GCNT2: variants seen among roughly 807,000 people sequenced by gnomAD.
GCNT2 encodes the protein N-acetyllactosaminide beta-1,6-N-acetylglucosaminyl-transferase.
GCNT2 carries 34 observed loss-of-function variants against 34.2 expected under a neutral mutation model. The observed-to-expected ratio is 1.00, with a 90% CI of 0.76 to 1.32. GCNT2 has a LOEUF of 1.32. GCNT2 is among the 40% of genes most tolerant of loss of function. The pLI, the probability that GCNT2 is intolerant of heterozygous loss-of-function variation, is 0.00. For synonymous variants in GCNT2, 212 were observed against 188.0 expected (o/e 1.13, Z -1.04); for missense variants, 584 against 489.4 (o/e 1.19, Z -1.82).
intron 3 of GCNT2, among the ~76,000 whole-genome samples, chr6:10,611,755 A>G (rs1030902380): frequency 3.3e-5 from 5 of 152,224 alleles, no homozygotes; most frequent in African/African-American, 1.2e-4. Flanking sequence ...AGTTAATTGA[A>G]TTATTAGAAT....
chr6:10,561,726 A>G (rs1346044085), intron 3 of GCNT2, among the ~76,000 whole-genome samples: 2 of 151,446 alleles, frequency 1.3e-5, no homozygotes, highest in African/African-American at 4.9e-5. Flanking sequence ...TTGCTCATTC[A>G]TTACTCTGAC....
At chr6:10,594,397 G>A (rs187313500) in intron 3 of GCNT2, among the ~76,000 whole-genome samples, 1 of 152,252 alleles carries the variant, frequency 6.6e-6, no homozygotes, top group Admixed American at 6.5e-5. Flanking sequence ...CATGAAAGTG[G>A]TATGCAAATA....
rs372157202 is a variant in GCNT2, at chr6:10,597,413, C to G, written c.926-23938C>G. The stretch of plus-strand genomic sequence containing the variant: ...CAAGCAATCTGCTTGCCTCAGCCCC[C>G]CAGAGTGCTGGGATTATAGGTACTA... On this transcript the variant is annotated intron_variant, in intron 3 of 4. Coordinates refer to ENST00000495262, the MANE Select transcript of GCNT2 (RefSeq NM_145649.5). Among the ~76,000 whole-genome samples the G allele has an allele frequency of 6.6e-5, 10 of 152,090 alleles. No individual in the cohort carries two copies. The East Asian group carries it at 1.7e-3, about 27-fold the overall frequency.
At chr6:10,526,769 G>GAC (rs1761212756) in intron 1 of GCNT2, among the ~76,000 whole-genome samples, 1 of 152,132 alleles carries the variant, frequency 6.6e-6, no homozygotes, top group African/African-American at 2.4e-5. Flanking sequence ...GAAAGTACAG[G>GAC]ACGTGGAAAC....
At chr6:10,624,008 C>T (rs1450642386) in intron 4 of GCNT2, among the ~76,000 whole-genome samples, 5 of 152,158 alleles carry the variant, frequency 3.3e-5, no homozygotes, top group African/African-American at 4.8e-5. Flanking sequence ...CCTTTTTTGC[C>T]GTTTGTACTT....
At chr6:10,570,284 G>A (rs1386547568) in intron 3 of GCNT2, among the ~76,000 whole-genome samples, 2 of 152,190 alleles carry the variant, frequency 1.3e-5, no homozygotes, top group East Asian at 3.8e-4. Context: ...AGTGGCAGAA[G>A]GCTTTCCCCA....
chr6:10,572,216 G>A (rs1020860458), intron 3 of GCNT2, among the ~76,000 whole-genome samples: 4 of 151,944 alleles, frequency 2.6e-5, no homozygotes, highest in Admixed American at 1.3e-4. Context: ...TTTATGTTCC[G>A]CAGAACTGCA....
rs1491437125 is a variant in GCNT2 at position 10,569,275 on chromosome 6, C to CA, written c.925+39439_925+39440insA. On this transcript the variant is annotated intron_variant, in intron 3 of 4. Transcript: ENST00000495262. Reference sequence around the variant, plus strand: ...CACACACACACACACACACACACACCCCCTAGGTAATTTTGCCAAATCCTG... The same window carrying CA: ...CACACACACACACACACACACACACCACCCTAGGTAATTTTGCCAAATCCTG... 9.3e-3 allele frequency among the ~76,000 whole-genome samples: 941 copies of CA among 101,326 alleles called. 51 individuals are homozygous for CA. Among genetic ancestry groups the CA allele is most frequent in the African/African-American group, 0.015 (397 of 26,180 alleles). 66.5% of individuals were successfully genotyped at this position (101,326 alleles called of 152,430 possible).
At chr6:10,579,608 G>A (rs561304591) in intron 3 of GCNT2, among the ~76,000 whole-genome samples, 2 of 152,086 alleles carry the variant, frequency 1.3e-5, no homozygotes, top group African/African-American at 2.4e-5. Context: ...TTGAGGTCAG[G>A]AGCTTGAGAC....
At chr6:10,595,002 T>C (rs768382511) in intron 3 of GCNT2, among the ~76,000 whole-genome samples, 61 of 151,924 alleles carry the variant, frequency 4.0e-4, no homozygotes, top group Non-Finnish European at 7.4e-4. Context: ...TGCCTCACCA[T>C]GCCCTGCTAA....
In GCNT2 at chr6:10,528,988, C is replaced by T. The variant is rs749150737; in HGVS notation, c.77C>T (p.Thr26Ile). The T allele has an allele frequency of 6.2e-7, 1 of 1,613,806 alleles. No homozygotes were observed. Among genetic ancestry groups the T allele is most frequent in the South Asian group, 1.1e-5 (1 of 91,074 alleles). Residue 26 changes from threonine (T) to isoleucine (I), a missense_variant, in exon 3 of 5, where the codon ACT (threonine) becomes ATT (isoleucine). Thr to Ile is a moderately conservative substitution (Grantham distance 89). Transcript: ENST00000495262. ...CTGATTTTTGTATTTGTTTACAATA[C>T]TGAGTTATGGGAGAATAAACGTTTT... ...SALIFVFVYN[T>I]ELWENKRFLR...
chr6:10,533,926 G>C (rs1761631150), intron 3 of GCNT2, among the ~76,000 whole-genome samples: 1 of 151,536 alleles, frequency 6.6e-6, no homozygotes, highest in South Asian at 2.1e-4. Context: ...CTCATTGCTG[G>C]TGCAGTGGTC....
intron 3 of GCNT2, among the ~76,000 whole-genome samples, chr6:10,545,869 A>T (rs1249264380): frequency 2.0e-5 from 3 of 152,184 alleles, no homozygotes; most frequent in Non-Finnish European, 4.4e-5. Context: ...GTTAAGAAAT[A>T]AAATCAGTTA....
Position 10,529,654 on chromosome 6 carries a change from CAA to C in GCNT2, c.746_747del (p.Lys249IlefsTer8), listed in dbSNP as rs1291698877. 4.3e-6 allele frequency: 7 copies of C among 1,613,958 alleles called. No homozygotes were observed. The highest frequency in any genetic ancestry group is 5.9e-6 in the Non-Finnish European group (7 of 1,180,002). On this transcript the variant is annotated frameshift_variant, in exon 3 of 5. Coordinates refer to ENST00000495262, the MANE Select transcript of GCNT2 (RefSeq NM_145649.5). LOFTEE classifies it high-confidence loss of function. ...AAAAATTCCTACGTGATTAAAACAACAAAATTAAAAACTCCTCCTCCTCATGA... is the reference window on the plus strand; with the variant it reads ...AAAAATTCCTACGTGATTAAAACAACAATTAAAAACTCCTCCTCCTCATGA...
intron 3 of GCNT2, among the ~76,000 whole-genome samples, chr6:10,543,776 C>G (rs971838339): frequency 6.6e-6 from 1 of 152,102 alleles, no homozygotes; most frequent in Non-Finnish European, 1.5e-5. Flanking sequence ...GACGTTATTT[C>G]TTTGAATTAA....
rs549716776 is a variant in GCNT2 at position 10,541,458 on chromosome 6, G to A, written c.925+11622G>A. 2.0e-5 allele frequency among the ~76,000 whole-genome samples: 3 copies of A among 152,274 alleles called. No individual in the cohort carries two copies. In the East Asian group the frequency reaches 5.8e-4, roughly 29 times the overall value. On this transcript the variant is annotated intron_variant, in intron 3 of 4. Coordinates refer to ENST00000495262, the MANE Select transcript of GCNT2 (RefSeq NM_145649.5). Reference sequence around the variant, plus strand: ...TTTCATGTCTTTGCTATTGTGAATAGTGCTGCAGTGAACATACGCGTGCAT... The same window carrying A: ...TTTCATGTCTTTGCTATTGTGAATAATGCTGCAGTGAACATACGCGTGCAT...
intron 3 of GCNT2, among the ~76,000 whole-genome samples, chr6:10,551,477 G>A (rs1458441032): frequency 7.7e-5 from 11 of 143,760 alleles, no homozygotes; most frequent in South Asian, 2.2e-4. Context: ...ATGGAGTCTC[G>A]CTCCGTTGCC....
chr6:10,611,876 G>C (rs765118323), intron 3 of GCNT2, among the ~76,000 whole-genome samples: 16 of 151,998 alleles, frequency 1.1e-4, no homozygotes, highest in Non-Finnish European at 2.1e-4. Context: ...AGTTTTATAA[G>C]TAAGGAAAAC....
At chr6:10,563,756 G>C (rs1026974453) in intron 3 of GCNT2, among the ~76,000 whole-genome samples, 5 of 55,812 alleles carry the variant, frequency 9.0e-5, no homozygotes, top group South Asian at 1.2e-3. Flanking sequence ...AAAGAAAAAA[G>C]AAAAAAAAAA....
Sources: gnomAD v4.1 joint callset for allele counts (sites outside exome capture counted in the v4.1 genomes callset) on GRCh38, gnomAD v4.1.1 for gene constraint, MANE v1.5 for transcripts, NCBI Gene and HGNC (gene_info 2026-07-23, HGNC 2026-07-21) for gene names.